Variants in KDM4B observed in about 807,000 individuals in gnomAD.
KDM4B encodes lysine-specific demethylase 4B.
In KDM4B, 32 loss-of-function variants were observed where a neutral mutation model predicts 125.2. That is an observed-to-expected ratio of 0.26 (90% CI 0.19 to 0.34). KDM4B has a LOEUF of 0.34. Ranked by LOEUF, KDM4B falls within the 10% of genes least tolerant of loss-of-function variation. The probability of loss-of-function intolerance (pLI) is 1.00; values close to 1 mark genes in which losing one functional copy is unlikely to be tolerated. For synonymous variants in KDM4B, 721 were observed against 677.9 expected (o/e 1.06, Z -0.99); for missense variants, 1,190 against 1,577.7 (o/e 0.75, Z 4.16).
intron 8 of KDM4B, 24 bp downstream of exon 8, chr19:5,077,494 G>C: frequency 6.3e-7 from 1 of 1,596,362 alleles, no homozygotes; most frequent in Non-Finnish European, 8.6e-7. Flanking sequence ...GGGCCTGCAC[G>C]CCTGTGGGTG....
chr19:5,139,195 T>C (rs1315223560), intron 18 of KDM4B, among the ~76,000 whole-genome samples: 1 of 152,196 alleles, frequency 6.6e-6, no homozygotes, highest in Non-Finnish European at 1.5e-5. Flanking sequence ...TAGCTGGGAT[T>C]ACAGGCGCGA....
intron 7 of KDM4B, among the ~76,000 whole-genome samples, chr19:5,071,449 G>A (rs28478353): frequency 0.08 from 12,250 of 152,296 alleles, 538 homozygotes; most frequent in Middle Eastern, 0.11. Flanking sequence ...TAGGAAAGGA[G>A]ACAATTCAGC....
At chr19:5,009,055 C>T (rs2035652458) in intron 1 of KDM4B, among the ~76,000 whole-genome samples, 1 of 151,862 alleles carries the variant, frequency 6.6e-6, no homozygotes, top group Non-Finnish European at 1.5e-5. Flanking sequence ...GCTGGGACTA[C>T]AGGTGGATGC....
At chr19:4,974,277 C>T (rs2034366086) in intron 1 of KDM4B, among the ~76,000 whole-genome samples, 1 of 151,756 alleles carries the variant, frequency 6.6e-6, no homozygotes, top group Non-Finnish European at 1.5e-5. Context: ...TGGCCGGTGC[C>T]TGTAGTCCCA....
At chr19:5,111,905 CATG>C (rs1179171371) in intron 10 of KDM4B, 6 of 737,016 alleles carry the variant, frequency 8.1e-6, no homozygotes, top group Non-Finnish European at 1.5e-5. Flanking sequence ...ATCCAGATCT[CATG>C]ATTTTTACAT....
At chr19:5,134,338 C>T (rs76269443) in intron 14 of KDM4B, among the ~76,000 whole-genome samples, 2,949 of 152,246 alleles carry the variant, frequency 0.019, 62 homozygotes, top group African/African-American at 0.056. Flanking sequence ...CCTCAGGGAG[C>T]GCCCGTGTCT....
chr19:5,093,649 G>A (rs528339353), intron 9 of KDM4B, among the ~76,000 whole-genome samples: 1 of 152,178 alleles, frequency 6.6e-6, no homozygotes, highest in Non-Finnish European at 1.5e-5. Flanking sequence ...GGTGTTTAAC[G>A]CTTTGTGTGC....
chr19:5,057,374 C>T (rs911967206), intron 6 of KDM4B, among the ~76,000 whole-genome samples: 4 of 152,198 alleles, frequency 2.6e-5, no homozygotes, highest in Non-Finnish European at 5.9e-5. Context: ...GCAGTGCACT[C>T]ATTGTCATGG....
At chr19:5,149,979 C>T (rs2039917631) in intron 21 of KDM4B, among the ~76,000 whole-genome samples, 1 of 152,162 alleles carries the variant, frequency 6.6e-6, no homozygotes, top group Non-Finnish European at 1.5e-5. Flanking sequence ...CACTGCGCCT[C>T]CTGCCTGGCT....
chr19:5,097,616 A>G (rs1281148070), intron 9 of KDM4B, among the ~76,000 whole-genome samples: 1 of 152,218 alleles, frequency 6.6e-6, no homozygotes, highest in Non-Finnish European at 1.5e-5. Flanking sequence ...AATGTGCCCC[A>G]TGGAAAAGGC....
At chr19:5,040,547 G>A (rs1310958943) in intron 4 of KDM4B, among the ~76,000 whole-genome samples, 1 of 152,152 alleles carries the variant, frequency 6.6e-6, no homozygotes, top group Non-Finnish European at 1.5e-5. Flanking sequence ...ACACCTATGG[G>A]CGCCTACCCA....
intron 7 of KDM4B, among the ~76,000 whole-genome samples, chr19:5,073,602 C>T (rs1270725315): frequency 6.6e-6 from 1 of 152,242 alleles, no homozygotes; most frequent in Non-Finnish European, 1.5e-5. Flanking sequence ...CAGGAGCCTG[C>T]TGGAGAGGCC....
intron 11 of KDM4B, among the ~76,000 whole-genome samples, chr19:5,120,583 T>C (rs2039342684): frequency 6.6e-6 from 1 of 152,126 alleles, no homozygotes; most frequent in East Asian, 1.9e-4. Flanking sequence ...TCAGAAACAT[T>C]ACCTTCCCCA....
chr19:5,094,293 T>A (rs1437364805), intron 9 of KDM4B, among the ~76,000 whole-genome samples: 1 of 152,228 alleles, frequency 6.6e-6, no homozygotes, highest in African/African-American at 2.4e-5. Context: ...TGCAGGATGC[T>A]GAGTAGCGCG....
At chr19:5,000,077 TCCAC>T (rs1469669344) in intron 1 of KDM4B, among the ~76,000 whole-genome samples, 1 of 120,772 alleles carries the variant, frequency 8.3e-6, no homozygotes, top group Non-Finnish European at 1.7e-5. Context: ...TATCCACCTG[TCCAC>T]CCACCCACCC....
rs2038148039 is a variant in KDM4B, at chr19:5,077,312, G to A, written c.677-55G>A. On this transcript the variant is annotated intron_variant, in intron 7 of 22. Coordinates refer to ENST00000159111, the MANE Select transcript of KDM4B (RefSeq NM_015015.3). ...AGCCTGCCCAGAGGGCAGCATCCTC[G>A]CTGACCCCGGCCGGCTGTGGCCCAG... The A allele has an allele frequency of 2.6e-5, 39 of 1,505,410 alleles. No homozygotes were observed. The South Asian group carries it at 3.2e-4, about 12-fold the overall frequency. 93.3% of individuals were successfully genotyped at this position (1,505,410 alleles called of 1,614,324 possible). A position where few individuals can be genotyped will look rare whatever the true frequency, so the allele number is the denominator to read the frequency against.
At chr19:5,083,306 G>T (rs1254338393) in intron 9 of KDM4B, among the ~76,000 whole-genome samples, 15 of 152,198 alleles carry the variant, frequency 9.9e-5, no homozygotes, top group Non-Finnish European at 2.1e-4. Flanking sequence ...GGGCACGGGT[G>T]GGACGGGGTC....
intron 9 of KDM4B, among the ~76,000 whole-genome samples, chr19:5,098,659 G>C (rs1435668147): frequency 6.6e-6 from 1 of 152,172 alleles, no homozygotes; most frequent in Non-Finnish European, 1.5e-5. Context: ...ATGGTATTAA[G>C]AGATGGGGCC....
chr19:5,014,887 C>G (rs1020876263), intron 1 of KDM4B, among the ~76,000 whole-genome samples: 13 of 151,362 alleles, frequency 8.6e-5, no homozygotes, highest in African/African-American at 3.2e-4. Flanking sequence ...CCCAGCTATT[C>G]GGGAGGCTGA....
Sources: gnomAD v4.1 joint callset for allele counts (sites outside exome capture counted in the v4.1 genomes callset) on GRCh38, gnomAD v4.1.1 for gene constraint, MANE v1.5 for transcripts, NCBI Gene and HGNC (gene_info 2026-07-23, HGNC 2026-07-21) for gene names.